The following IL2RB variants were observed in gnomAD, a reference collection of about 807,000 sequenced individuals.
IL2RB encodes interleukin 2 receptor subunit beta, also known as interleukin-2 receptor subunit beta.
In IL2RB, 17 loss-of-function variants were observed where a neutral mutation model predicts 44.2. The ratio of observed to expected loss-of-function variants is 0.38; its 90% CI spans 0.26 to 0.58. The LOEUF (loss-of-function observed/expected upper bound fraction) is 0.58. IL2RB is among the 20% of genes least tolerant of loss of function. The probability of loss-of-function intolerance (pLI) is 0.63; values close to 1 mark genes in which losing one functional copy is unlikely to be tolerated. For missense variants in IL2RB, 624 were observed against 685.5 expected (o/e 0.91, Z 1.00); for synonymous variants, 286 against 297.9 (o/e 0.96, Z 0.41).
intron 4 of IL2RB, 139 bp from the exon 5 acceptor site, chr22:37,139,361 G>C (rs1921857048): frequency 1.6e-6 from 1 of 623,330 alleles, no homozygotes; most frequent in Non-Finnish European, 2.9e-6. Flanking sequence ...AATGTTTTCT[G>C]TAAAAGGCCA....
chr22:37,135,113 T>C (rs1464370262), intron 8 of IL2RB, among the ~76,000 whole-genome samples: 1 of 151,906 alleles, frequency 6.6e-6, no homozygotes, highest in Non-Finnish European at 1.5e-5. Context: ...AAAGGCCAGG[T>C]TTTGGACAGG....
At chr22:37,165,446 C>T (rs1017680855) in intron 1 of IL2RB, among the ~76,000 whole-genome samples, 2 of 152,150 alleles carry the variant, frequency 1.3e-5, no homozygotes, top group African/African-American at 2.4e-5. Context: ...CAGCATGGAG[C>T]GTTTGTCAAG....
In IL2RB at chr22:37,126,259, A is replaced by C. The variant is rs1488773177; in HGVS notation, c.*1837T>G. On this transcript the variant is annotated 3_prime_UTR_variant, in exon 10 of 10. Coordinates refer to ENST00000216223, the MANE Select transcript of IL2RB (RefSeq NM_000878.5). ...AGGAGGTGAGACTGTCCAATAATTC[A>C]GCTTTTTTCAAGGCATAGACCCAAG... The C allele has an allele frequency of 1.3e-5, 2 of 152,176 alleles. No homozygotes were observed. Among genetic ancestry groups the C allele is most frequent in the African/African-American group, 4.8e-5 (2 of 41,432 alleles). 9.4% of individuals were successfully genotyped at this position (152,176 alleles called of 1,614,324 possible).
intron 1 of IL2RB, among the ~76,000 whole-genome samples, chr22:37,173,991 C>G (rs1366213991): frequency 1.3e-5 from 2 of 152,310 alleles, no homozygotes; most frequent in Admixed American, 1.3e-4. Context: ...TGTGAACCAA[C>G]TGGACTCTCA....
At chr22:37,153,360 G>A (rs1922566043), upstream of IL2RB, among the ~76,000 whole-genome samples, 1 of 152,216 alleles carries the variant, frequency 6.6e-6, no homozygotes, top group African/African-American at 2.4e-5. Context: ...GCCCGCTGCT[G>A]GAAAAGAAGA....
intron 3 of IL2RB, among the ~76,000 whole-genome samples, chr22:37,143,283 C>G (rs1241395992): frequency 2.6e-5 from 4 of 152,158 alleles, no homozygotes; most frequent in African/African-American, 9.7e-5. Context: ...TCATCCCCAG[C>G]CCCTCCACTG....
intron 1 of IL2RB, among the ~76,000 whole-genome samples, chr22:37,164,477 G>T (rs1922997831): frequency 2.0e-5 from 3 of 149,432 alleles, no homozygotes; most frequent in African/African-American, 7.4e-5. Flanking sequence ...GGGGTGAGGG[G>T]CCGGGTGGTG....
At chr22:37,138,999 T>G in intron 5 of IL2RB, 118 bp downstream of exon 5, 1 of 668,404 alleles carries the variant, frequency 1.5e-6, no homozygotes, top group Non-Finnish European at 2.7e-6. Flanking sequence ...GGTGAGGTGA[T>G]CAGATGTGGG....
intron 1 of IL2RB, among the ~76,000 whole-genome samples, chr22:37,157,523 G>A (rs1049628396): frequency 1.3e-5 from 2 of 152,258 alleles, no homozygotes; most frequent in South Asian, 2.1e-4. Flanking sequence ...CCAGGATCGC[G>A]CCAAGGTGAC....
rs1012552803 is a variant in IL2RB, at chr22:37,132,012, G to T, written c.903+372C>A. On this transcript the variant is annotated intron_variant, in intron 9 of 9. Coordinates refer to ENST00000216223, the MANE Select transcript of IL2RB (RefSeq NM_000878.5). ...GCCTCCCAAAGTGCTGGGATTACAGGCATGAACCACTGCACCCAGCCTGAT... is the reference window on the plus strand; with the variant it reads ...GCCTCCCAAAGTGCTGGGATTACAGTCATGAACCACTGCACCCAGCCTGAT... Among the ~76,000 whole-genome samples the T allele has an allele frequency of 2.0e-5, 3 of 152,206 alleles. No homozygotes were observed. In the South Asian group the frequency reaches 6.2e-4, roughly 32 times the overall value.
chr22:37,155,025 G>T (rs964603006), intron 1 of IL2RB, among the ~76,000 whole-genome samples: 7 of 152,136 alleles, frequency 4.6e-5, no homozygotes, highest in African/African-American at 1.7e-4. Flanking sequence ...AACCTCTATT[G>T]TTGGGCCTCT....
intron 1 of IL2RB, among the ~76,000 whole-genome samples, chr22:37,157,814 A>T (rs985193890): frequency 2.6e-5 from 4 of 152,318 alleles, no homozygotes; most frequent in South Asian, 2.1e-4. Context: ...CCACTCCAGA[A>T]CCCAGAAAAT....
chr22:37,147,909 C>T (rs567659424), intron 1 of IL2RB, among the ~76,000 whole-genome samples: 2 of 152,358 alleles, frequency 1.3e-5, no homozygotes, highest in South Asian at 4.1e-4. Flanking sequence ...TCCCATAGCC[C>T]CTATGCCCCT....
At position 37,141,318 on chromosome 22, in the gene IL2RB, T is replaced by C. The variant is rs747089033; in HGVS notation, c.282+1116A>G. On this transcript the variant is annotated intron_variant, in intron 4 of 9. Transcript: ENST00000216223. This position sits in a 1 kb window ranked among gnomAD's most constrained non-coding sequence, Gnocchi z 4.4. ...CCGGGCACAGCTGCAGCTACCCAAGTTGTGGCTGTGGACCCAGGCATCCCT... is the reference window on the plus strand; with the variant it reads ...CCGGGCACAGCTGCAGCTACCCAAGCTGTGGCTGTGGACCCAGGCATCCCT... Among the ~76,000 whole-genome samples, 1 of 152,060 alleles carries C rather than the reference T, an allele frequency of 6.6e-6. No homozygotes were observed. The highest frequency in any genetic ancestry group is 1.5e-5 in the Non-Finnish European group (1 of 68,000).
At chr22:37,130,656 C>T (rs188614331) in intron 9 of IL2RB, among the ~76,000 whole-genome samples, 9 of 152,340 alleles carry the variant, frequency 5.9e-5, no homozygotes, top group Admixed American at 2.6e-4. Flanking sequence ...TCCCACCTCA[C>T]GATGTTGTAG....
At chr22:37,157,312 C>T (rs1427948840) in intron 1 of IL2RB, among the ~76,000 whole-genome samples, 1 of 152,198 alleles carries the variant, frequency 6.6e-6, no homozygotes, top group Non-Finnish European at 1.5e-5. Context: ...TCCCTGACTC[C>T]TTCCCTCCCT....
At chr22:37,139,475 A>G (rs1921862192) in intron 4 of IL2RB, among the ~76,000 whole-genome samples, 1 of 152,230 alleles carries the variant, frequency 6.6e-6, no homozygotes, top group Admixed American at 6.5e-5. Flanking sequence ...GTAAATGAAT[A>G]TTAGGGCCAT....
chr22:37,133,786 C>A (rs1266800729), intron 8 of IL2RB, among the ~76,000 whole-genome samples: 1 of 152,210 alleles, frequency 6.6e-6, no homozygotes, highest in East Asian at 1.9e-4. Context: ...GCATCACTGC[C>A]GCCACAGGCC....
chr22:37,149,844 G>A lies in IL2RB; in HGVS notation c.-53C>T, dbSNP rs1433826533. ...CATCACCTGGCTGAGACATGGGGCG[G>A]TGGCAGCGCGCGCTCTCCAGTCCTC... On this transcript the variant is annotated 5_prime_UTR_variant, in exon 1 of 10. Transcript: ENST00000216223. 3.0e-6 allele frequency: 3 copies of A among 985,568 alleles called. No homozygotes were observed. Among genetic ancestry groups the A allele is most frequent in the African/African-American group, 1.7e-5 (1 of 57,194 alleles). The allele number at this position is 985,568 out of a possible 1,614,324, so 61.1% of individuals were successfully genotyped here. A position where few individuals can be genotyped will look rare whatever the true frequency, so the allele number is the denominator to read the frequency against.
Sources: allele counts gnomAD v4.1 joint callset (sites outside exome capture counted in the v4.1 genomes callset), GRCh38; gene constraint gnomAD v4.1.1; non-coding constraint Gnocchi (gnomAD v3.1); transcripts MANE v1.5; gene names NCBI Gene and HGNC (gene_info 2026-07-23, HGNC 2026-07-21).